The following CACNA1I variants were observed in gnomAD, a reference collection of about 807,000 sequenced individuals.
CACNA1I encodes calcium voltage-gated channel subunit alpha1 I.
A neutral mutation model predicts 201.6 loss-of-function variants in CACNA1I; 74 were observed. That is an observed-to-expected ratio of 0.37 (90% CI 0.30 to 0.45). The LOEUF is 0.45. CACNA1I is among the 20% of genes least tolerant of loss of function. CACNA1I has a pLI of 1.00. For synonymous variants in CACNA1I, 1,431 were observed against 1,345.2 expected, an observed-to-expected ratio of 1.06 and a Z score of -1.40; for missense variants, 2,346 against 3,138.1, an observed-to-expected ratio of 0.75 and a Z score of 6.03.
chr22:39,679,036 G>A (rs970948172), intron 31 of CACNA1I, 71 bp from the exon 32 acceptor site: 1 of 1,255,618 alleles, frequency 8.0e-7, no homozygotes, highest in Non-Finnish European at 1.1e-6. Context: ...CGTGGCCCTG[G>A]GCTGGCCTCT....
At chr22:39,586,267 A>G (rs1932750565) in intron 1 of CACNA1I, among the ~76,000 whole-genome samples, 1 of 152,038 alleles carries the variant, frequency 6.6e-6, no homozygotes, top group Admixed American at 6.5e-5. Context: ...AGGTGGGTGA[A>G]TCACTTGAGG....
chr22:39,678,662 A>G (rs911164242), intron 31 of CACNA1I, among the ~76,000 whole-genome samples: 1 of 152,182 alleles, frequency 6.6e-6, no homozygotes, highest in Non-Finnish European at 1.5e-5. Context: ...GAGGCGGCCA[A>G]TCTCCTCAGC....
intron 3 of CACNA1I, among the ~76,000 whole-genome samples, chr22:39,607,023 G>T (rs549574990): frequency 6.6e-6 from 1 of 152,332 alleles, no homozygotes; most frequent in African/African-American, 2.4e-5. Flanking sequence ...CACCTGTGGG[G>T]AGGGGCCTGG....
chr22:39,675,789 T>C (rs936405650), intron 29 of CACNA1I, among the ~76,000 whole-genome samples: 4 of 151,996 alleles, frequency 2.6e-5, no homozygotes, highest in East Asian at 1.9e-4. Flanking sequence ...CAGGCAAAGA[T>C]AGAGGGTCCT....
At chr22:39,632,699 G>T (rs1030694794) in intron 4 of CACNA1I, among the ~76,000 whole-genome samples, 5 of 152,246 alleles carry the variant, frequency 3.3e-5, no homozygotes, top group African/African-American at 9.6e-5. Flanking sequence ...ATGAATGAAT[G>T]AGTGAGTGAA....
chr22:39,673,705 C>A (rs1935439410), intron 28 of CACNA1I, among the ~76,000 whole-genome samples: 1 of 152,204 alleles, frequency 6.6e-6, no homozygotes, highest in Admixed American at 6.5e-5. Flanking sequence ...TCATAGACCT[C>A]AGTTTCCATG....
rs533147795 is a variant in CACNA1I at position 39,665,004 on chromosome 22, C to T, written c.3851+81C>T. 101 of 1,272,944 alleles carry T rather than the reference C, an allele frequency of 7.9e-5. No individual in the cohort carries two copies. Among genetic ancestry groups the T allele is most frequent in the African/African-American group, 1.2e-4 (8 of 68,642 alleles). The allele number at this position is 1,272,944 out of a possible 1,614,324, so 78.9% of individuals were successfully genotyped here. ...CACGGGTCGAATTGGGCCCTCACTCCGCCCTCCCCGCCCGCCCACTCGGTC... is the reference window on the plus strand; with the variant it reads ...CACGGGTCGAATTGGGCCCTCACTCTGCCCTCCCCGCCCGCCCACTCGGTC... On this transcript the variant is annotated intron_variant, in intron 21 of 36. Transcript: ENST00000402142. The surrounding 1 kb of genome is among the most constrained non-coding windows in gnomAD (Gnocchi z 5.5).
intron 1 of CACNA1I, among the ~76,000 whole-genome samples, chr22:39,596,392 GGGCGGAGAGA>G (rs2145823023): frequency 2.4e-5 from 1 of 41,952 alleles, no homozygotes; most frequent in South Asian, 1.4e-3. Context: ...TGGGGGAGCA[GGGCGGAGAGA>G]GATGGGGGGG....
In CACNA1I at chr22:39,571,253, G is replaced by A. The variant is rs1379855975; in HGVS notation, c.236+265G>A. On this transcript the variant is annotated intron_variant, in intron 1 of 36. Transcript: ENST00000402142. ...GTCCAGTGGCTGGCTGGCTCAGAAA[G>A]TCCTTGAGTGTGGGCCCCAGACCTG... 4.4e-5 allele frequency: 23 copies of A among 528,258 alleles called. No homozygotes were observed. The East Asian group carries it at 7.8e-4, about 18-fold the overall frequency. The allele number at this position is 528,258 out of a possible 1,614,324, so 32.7% of individuals were successfully genotyped here.
In CACNA1I at chr22:39,643,003, G is replaced by A. The variant is rs144098405; in HGVS notation, c.1149+114G>A. On this transcript the variant is annotated intron_variant, in intron 7 of 36. Coordinates refer to ENST00000402142, the MANE Select transcript of CACNA1I (RefSeq NM_021096.4). ...GGAGCCCCTCAGAGCCAGGACAGCC[G>A]GGATGAGGGAGCAGGAAGGGCTGTT... The A allele has an allele frequency of 2.1e-4, 140 of 659,980 alleles. 1 individual carries two copies. Among genetic ancestry groups the A allele is most frequent in the East Asian group, 1.1e-3 (40 of 36,360 alleles). The allele number at this position is 659,980 out of a possible 1,614,324, so 40.9% of individuals were successfully genotyped here.
chr22:39,680,935 G>T lies in CACNA1I; in HGVS notation c.5547G>T (p.Gln1849His). ...GCCACCCCCTCTTCCTGCAGGTGCA[G>T]CTGGCTGAGACGGAGGCCTTCTCCC... ...KKCHHDKQEV[Q>H]LAETEAFSLN... Residue 1849 changes from glutamine to histidine, a missense_variant, in exon 34 of 37, where the codon CAG becomes CAT. By Grantham distance (24) the Gln-to-His change is conservative. Transcript: ENST00000402142. 1.2e-6 allele frequency: 2 copies of T among 1,609,494 alleles called. No homozygotes were observed. Among genetic ancestry groups the T allele is most frequent in the Admixed American group, 1.7e-5 (1 of 59,866 alleles).
At chr22:39,586,890 C>T (rs1332293142) in intron 1 of CACNA1I, among the ~76,000 whole-genome samples, 2 of 152,126 alleles carry the variant, frequency 1.3e-5, no homozygotes, top group African/African-American at 4.8e-5. Flanking sequence ...CATCTGCAGC[C>T]CCTGCCCAGG....
chr22:39,589,093 C>T (rs964961751), intron 1 of CACNA1I, among the ~76,000 whole-genome samples: 16 of 152,268 alleles, frequency 1.1e-4, no homozygotes, highest in African/African-American at 3.4e-4. Flanking sequence ...CACTAGATGC[C>T]GGTGTCCTAT....
At chr22:39,577,932 A>G (rs1393311216) in intron 1 of CACNA1I, among the ~76,000 whole-genome samples, 1 of 152,258 alleles carries the variant, frequency 6.6e-6, no homozygotes, top group Non-Finnish European at 1.5e-5. Context: ...TGGGGGCCAC[A>G]GTGACCCCCA....
At chr22:39,578,323 C>G (rs1932428476) in intron 1 of CACNA1I, among the ~76,000 whole-genome samples, 1 of 152,162 alleles carries the variant, frequency 6.6e-6, no homozygotes, top group African/African-American at 2.4e-5. Context: ...GCCTCTGGGA[C>G]TCTCTGGGAG....
chr22:39,598,863 T>C (rs1451568114), intron 2 of CACNA1I, among the ~76,000 whole-genome samples: 2 of 151,664 alleles, frequency 1.3e-5, no homozygotes, highest in Non-Finnish European at 1.5e-5. Context: ...GTACCCATTT[T>C]ACAGATGTGG....
rs60877585 is a variant in CACNA1I, at chr22:39,598,288, C to CGCCCTGCCCTGCCCT, written c.348+36_348+37insGCCCTGCCCTGCCCT. 8 of 1,215,222 alleles carry CGCCCTGCCCTGCCCT rather than the reference C, an allele frequency of 6.6e-6. No individual in the cohort carries two copies. In the East Asian group the frequency reaches 1.1e-4, roughly 16 times the overall value. 75.3% of individuals were successfully genotyped at this position (1,215,222 alleles called of 1,614,324 possible). On this transcript the variant is annotated intron_variant, in intron 2 of 36. Transcript: ENST00000402142. ...GTGAGCCGGCCGCCCCGCCCCGCCC[C>CGCCCTGCCCTGCCCT]GCCCTGCCCTCATCCTCCAGGACCC...
intron 3 of CACNA1I, among the ~76,000 whole-genome samples, chr22:39,603,481 T>C (rs1418662860): frequency 1.3e-5 from 2 of 152,226 alleles, no homozygotes; most frequent in Non-Finnish European, 2.9e-5. Flanking sequence ...ATTTCTTGTT[T>C]TTCAGAGTAC....
Position 39,618,764 on chromosome 22 carries a change from C to A in CACNA1I, c.483-546C>A, listed in dbSNP as rs148301600. ...GGTCATCCTGGAAATGCAGGCCGGG[C>A]CCATCTCCCAGTCGCCCTCAAATGA... On this transcript the variant is annotated intron_variant, in intron 3 of 36. Transcript: ENST00000402142. 3.4e-4 allele frequency among the ~76,000 whole-genome samples: 51 copies of A among 152,052 alleles called. No homozygotes were observed. The East Asian group carries it at 9.3e-3, about 28-fold the overall frequency.
Sources: allele counts gnomAD v4.1 joint callset (sites outside exome capture counted in the v4.1 genomes callset), GRCh38; gene constraint gnomAD v4.1.1; non-coding constraint Gnocchi (gnomAD v3.1); transcripts MANE v1.5; gene names NCBI Gene and HGNC (gene_info 2026-07-23, HGNC 2026-07-21).